Variants in ZMYM2 observed in about 807,000 individuals in gnomAD.
The protein encoded by ZMYM2 is zinc finger MYM-type protein 2.
In ZMYM2, 56 loss-of-function variants were observed where a neutral mutation model predicts 162.8. The ratio of observed to expected loss-of-function variants is 0.34; its 90% CI spans 0.28 to 0.43. The LOEUF (loss-of-function observed/expected upper bound fraction) is 0.43. ZMYM2 is among the 20% of genes least tolerant of loss of function. The probability of loss-of-function intolerance (pLI) is 1.00; values close to 1 mark genes in which losing one functional copy is unlikely to be tolerated. For missense variants in ZMYM2, 1,275 were observed against 1,621.8 expected (o/e 0.79, Z 3.67); for synonymous variants, 510 against 541.6 (o/e 0.94, Z 0.81).
In ZMYM2 at chr13:20,020,395, C is replaced by T. The variant is rs192916813; in HGVS notation, c.1584+777C>T. Among the ~76,000 whole-genome samples, 809 of 152,108 alleles carry T rather than the reference C, an allele frequency of 5.3e-3. 29 individuals are homozygous for T. Among genetic ancestry groups the T allele is most frequent in the Admixed American group, 0.048 (726 of 15,272 alleles). On this transcript the variant is annotated intron_variant, in intron 7 of 24. Transcript: ENST00000610343. ...GATTACAGTCATGCACCACCACACC[C>T]GGCTAATTTTGTATTTTTTTAGTAG...
chr13:19,882,742 G>A, the ZMYM2 span, among the ~76,000 whole-genome samples: 11 of 151,756 alleles, frequency 7.2e-5, no homozygotes, highest in South Asian at 4.2e-4. Flanking sequence ...GTAAGACCCT[G>A]TCTCAAAAAC....
chr13:19,955,360 A>T (rs556254358), upstream of ZMYM2, among the ~76,000 whole-genome samples: 11 of 152,034 alleles, frequency 7.2e-5, no homozygotes, highest in African/African-American at 2.7e-4. Context: ...CCCCTAAAAA[A>T]CTCTATGAAA....
intron 6 of ZMYM2, among the ~76,000 whole-genome samples, chr13:20,013,078 T>G (rs956346507): frequency 6.6e-6 from 1 of 152,248 alleles, no homozygotes; most frequent in Admixed American, 6.5e-5. Context: ...TAAGTTATTC[T>G]GTCTGTGAAA....
At chr13:19,937,384 C>T in the ZMYM2 span, among the ~76,000 whole-genome samples, 22 of 151,322 alleles carry the variant, frequency 1.5e-4, no homozygotes, top group Admixed American at 9.9e-4. Context: ...GTGATCCGCC[C>T]GCCTCAGCCT....
chr13:20,031,916 G>C (rs901849262), intron 10 of ZMYM2, among the ~76,000 whole-genome samples: 1 of 144,566 alleles, frequency 6.9e-6, no homozygotes, highest in Admixed American at 7.0e-5. Context: ...TGTTGCCCAG[G>C]CTGGAGTGCA....
chr13:20,004,359 C>T (rs1367161941), intron 4 of ZMYM2, among the ~76,000 whole-genome samples: 1 of 152,002 alleles, frequency 6.6e-6, no homozygotes, highest in African/African-American at 2.4e-5. Context: ...GGGTTCATGC[C>T]GTTCTCCTGC....
chr13:19,902,441 A>AC, the ZMYM2 span, among the ~76,000 whole-genome samples: 510 of 151,686 alleles, frequency 3.4e-3, 1 homozygote, highest in Middle Eastern at 6.8e-3. Flanking sequence ...ACATGGAGAA[A>AC]CCCCATCTCT....
At chr13:19,959,872 C>G (rs1421838351) in intron 1 of ZMYM2, 86 bp from the exon 2 acceptor site, 1 of 152,270 alleles carries the variant, frequency 6.6e-6, no homozygotes, top group South Asian at 2.1e-4. Context: ...TTATTCCCTT[C>G]TCTGCCTCCT....
the ZMYM2 span, among the ~76,000 whole-genome samples, chr13:19,878,973 GC>G: frequency 6.6e-6 from 1 of 151,990 alleles, no homozygotes. Flanking sequence ...ATCTTTCCAT[GC>G]AAAAAAATTT....
intron 12 of ZMYM2, among the ~76,000 whole-genome samples, chr13:20,044,513 A>G (rs1246861796): frequency 1.3e-5 from 2 of 152,118 alleles, no homozygotes; most frequent in Non-Finnish European, 2.9e-5. Flanking sequence ...CAGTACTCTC[A>G]GTCCCTCCGG....
the ZMYM2 span, among the ~76,000 whole-genome samples, chr13:19,913,723 T>C: frequency 6.6e-6 from 1 of 152,136 alleles, no homozygotes; most frequent in East Asian, 1.9e-4. Context: ...AGAATAAGAC[T>C]CTGTCTCAAA....
the ZMYM2 span, among the ~76,000 whole-genome samples, chr13:19,891,134 A>C: frequency 6.6e-6 from 1 of 151,918 alleles, no homozygotes; most frequent in Non-Finnish European, 1.5e-5. Flanking sequence ...ATAAGGAGGT[A>C]ATTAAGGTTA....
intron 19 of ZMYM2, chr13:20,066,585 C>T (rs762386169): frequency 8.0e-5 from 26 of 323,092 alleles, no homozygotes; most frequent in Non-Finnish European, 1.3e-4. Flanking sequence ...ATAGATCATC[C>T]TCATTGTCTT....
chr13:20,061,276 A>T (rs532251203), intron 17 of ZMYM2, 52 bp downstream of exon 17: 73 of 1,575,248 alleles, frequency 4.6e-5, no homozygotes, highest in Non-Finnish European at 5.0e-5. Flanking sequence ...TTGGTTATTT[A>T]TAAGTATTGT....
Position 20,086,042 on chromosome 13 carries a change from T to TA in ZMYM2, c.*32dup. On this transcript the variant is annotated 3_prime_UTR_variant, in exon 25 of 25. Transcript: ENST00000610343. ...AGGAACGTTGCAGAAGCAATCGGGA[T>TA]AAAACAGCATTAGATAGTCATGCTG... The TA allele has an allele frequency of 6.2e-7, 1 of 1,601,376 alleles. No homozygotes were observed.
intron 18 of ZMYM2, among the ~76,000 whole-genome samples, chr13:20,064,196 A>T (rs1956496210): frequency 6.6e-6 from 1 of 151,826 alleles, no homozygotes. Context: ...GACTATAATA[A>T]TTTTTCTGGT....
chr13:19,956,664 G>A (rs577509547), upstream of ZMYM2, among the ~76,000 whole-genome samples: 1 of 152,266 alleles, frequency 6.6e-6, no homozygotes, highest in Non-Finnish European at 1.5e-5. Context: ...ATATAAAACA[G>A]CAATAACACT....
chr13:19,906,126 T>C, the ZMYM2 span, among the ~76,000 whole-genome samples: 15 of 151,338 alleles, frequency 9.9e-5, no homozygotes, highest in South Asian at 3.1e-3. Flanking sequence ...ATACAAAAAA[T>C]TAGCCGGGCG....
chr13:19,971,262 A>ATATATATATATATATATTTT (rs1329532735), intron 2 of ZMYM2, among the ~76,000 whole-genome samples: 23 of 78,310 alleles, frequency 2.9e-4, no homozygotes, highest in Non-Finnish European at 4.6e-4. Context: ...ATATATATAT[A>ATATATATATATATATATTTT]TTTTTTTTTT....
Sources: gnomAD v4.1 joint callset for allele counts (sites outside exome capture counted in the v4.1 genomes callset) on GRCh38, gnomAD v4.1.1 for gene constraint, MANE v1.5 for transcripts, NCBI Gene and HGNC (gene_info 2026-07-23, HGNC 2026-07-21) for gene names.